CDH13: variants seen among roughly 807,000 people sequenced by gnomAD.
CDH13 encodes the protein cadherin-13.
CDH13 carries 24 observed loss-of-function variants against 63.8 expected under a neutral mutation model. The ratio of observed to expected loss-of-function variants is 0.38; its 90% CI spans 0.27 to 0.53. CDH13 has a LOEUF of 0.53. Ranked by LOEUF, CDH13 falls within the 20% of genes least tolerant of loss-of-function variation. The probability of loss-of-function intolerance (pLI) is 0.85; values close to 1 mark genes in which losing one functional copy is unlikely to be tolerated. For missense variants in CDH13, 1,049 were observed against 903.1 expected (o/e 1.16, Z -2.07); for synonymous variants, 503 against 355.3 (o/e 1.42, Z -4.67).
chr16:82,762,208 A>T (rs2034881654), intron 1 of CDH13, among the ~76,000 whole-genome samples: 4 of 152,174 alleles, frequency 2.6e-5, no homozygotes, highest in Admixed American at 2.6e-4. Context: ...TGAAATGAAG[A>T]GGTTGAATGT....
intron 5 of CDH13, among the ~76,000 whole-genome samples, chr16:83,338,530 G>A (rs867197476): frequency 2.0e-5 from 3 of 152,232 alleles, no homozygotes; most frequent in South Asian, 2.1e-4. Flanking sequence ...AGAGGTAGAC[G>A]TAAATTGAAT....
At chr16:82,700,364 A>G (rs1057105492) in intron 1 of CDH13, among the ~76,000 whole-genome samples, 1 of 152,236 alleles carries the variant, frequency 6.6e-6, no homozygotes, top group African/African-American at 2.4e-5. Flanking sequence ...GTAAAACGTG[A>G]CCAACGTTCT....
chr16:83,440,728 T>G (rs1394324040), intron 6 of CDH13, among the ~76,000 whole-genome samples: 2 of 146,386 alleles, frequency 1.4e-5, no homozygotes, highest in Non-Finnish European at 3.0e-5. Context: ...GAGGCTACAG[T>G]GAGTTGAGAC....
intron 8 of CDH13, 58 bp downstream of exon 8, chr16:83,602,652 G>C: frequency 6.4e-7 from 1 of 1,574,564 alleles, no homozygotes; most frequent in Non-Finnish European, 8.7e-7. Context: ...ATTACTGATT[G>C]ATGTTAATTC....
At chr16:82,925,588 C>A (rs1261757869) in intron 2 of CDH13, among the ~76,000 whole-genome samples, 1 of 152,186 alleles carries the variant, frequency 6.6e-6, no homozygotes, top group Non-Finnish European at 1.5e-5. Context: ...AGATGAAGAT[C>A]AGGGGAAGGT....
intron 7 of CDH13, among the ~76,000 whole-genome samples, chr16:83,548,726 C>G (rs997342714): frequency 1.3e-5 from 2 of 151,290 alleles, no homozygotes; most frequent in Non-Finnish European, 3.0e-5. Flanking sequence ...ACAAGGCAGC[C>G]TTTTTTTTTC....
intron 7 of CDH13, among the ~76,000 whole-genome samples, chr16:83,565,265 A>G (rs545257124): frequency 6.6e-6 from 1 of 151,990 alleles, no homozygotes; most frequent in East Asian, 1.9e-4. Flanking sequence ...CTCCTACTGG[A>G]TGCCATCCGA....
At chr16:82,920,070 C>T (rs373852722) in intron 2 of CDH13, among the ~76,000 whole-genome samples, 1 of 152,166 alleles carries the variant, frequency 6.6e-6, no homozygotes, top group South Asian at 2.1e-4. Context: ...AAACTTAAAT[C>T]AAAGTGGCTG....
At chr16:83,505,114 T>C (rs1487499976) in intron 7 of CDH13, among the ~76,000 whole-genome samples, 1 of 152,202 alleles carries the variant, frequency 6.6e-6, no homozygotes, top group Non-Finnish European at 1.5e-5. Flanking sequence ...AATGTGATCC[T>C]ACCCATCCTC....
intron 5 of CDH13, among the ~76,000 whole-genome samples, chr16:83,293,898 A>G (rs527709775): frequency 2.6e-5 from 4 of 152,298 alleles, no homozygotes; most frequent in South Asian, 4.1e-4. Flanking sequence ...GAATTATACT[A>G]TGCCCTTAGC....
chr16:83,202,430 G>T (rs1010788790), intron 4 of CDH13, among the ~76,000 whole-genome samples: 17 of 152,300 alleles, frequency 1.1e-4, no homozygotes, highest in Admixed American at 6.5e-4. Context: ...GCCCTGGAAA[G>T]ATTTTAATCA....
At chr16:83,629,561 A>G (rs3933507) in intron 8 of CDH13, among the ~76,000 whole-genome samples, 151,624 of 152,314 alleles carry the variant, frequency 1, 75,470 homozygotes, top group Middle Eastern at 1. Context: ...TATTTCTGCC[A>G]AGCCATCATC....
At chr16:83,595,995 G>C (rs535965435) in intron 7 of CDH13, among the ~76,000 whole-genome samples, 45 of 152,354 alleles carry the variant, frequency 3.0e-4, no homozygotes, top group African/African-American at 1.0e-3. Flanking sequence ...CTTCCCGGCA[G>C]AGCAGCACCT....
chr16:83,757,086 C>G (rs374315665), intron 11 of CDH13, among the ~76,000 whole-genome samples: 7 of 152,268 alleles, frequency 4.6e-5, no homozygotes, highest in African/African-American at 1.7e-4. Flanking sequence ...CCTCCAATCA[C>G]AATGGAATTA....
intron 5 of CDH13, among the ~76,000 whole-genome samples, chr16:83,275,181 A>G (rs1464387512): frequency 6.6e-6 from 1 of 152,230 alleles, no homozygotes; most frequent in Non-Finnish European, 1.5e-5. Context: ...CCCATAGAGC[A>G]TTTATGATGT....
intron 7 of CDH13, among the ~76,000 whole-genome samples, chr16:83,498,687 T>C (rs1400908383): frequency 6.6e-6 from 1 of 152,228 alleles, no homozygotes; most frequent in Non-Finnish European, 1.5e-5. Flanking sequence ...CATGCATTTT[T>C]TCTCCCACTA....
At chr16:83,065,467 G>A (rs529469073) in intron 3 of CDH13, among the ~76,000 whole-genome samples, 3 of 152,154 alleles carry the variant, frequency 2.0e-5, no homozygotes, top group Non-Finnish European at 4.4e-5. Flanking sequence ...CACTTTGGAA[G>A]GCCAAGGTGG....
chr16:83,029,042 A>G (rs959108802), intron 2 of CDH13, among the ~76,000 whole-genome samples: 1 of 152,216 alleles, frequency 6.6e-6, no homozygotes, highest in African/African-American at 2.4e-5. Context: ...CTGTAGGAGA[A>G]GGGGATCAAA....
At chr16:83,664,861 G>A (rs1211610551) in intron 8 of CDH13, among the ~76,000 whole-genome samples, 2 of 152,204 alleles carry the variant, frequency 1.3e-5, no homozygotes, top group Admixed American at 6.5e-5. Flanking sequence ...CAAATTGTCA[G>A]ATATGTTGTA....
Sources: allele counts gnomAD v4.1 joint callset (sites outside exome capture counted in the v4.1 genomes callset), GRCh38; gene constraint gnomAD v4.1.1; transcripts MANE v1.5; gene names NCBI Gene and HGNC (gene_info 2026-07-23, HGNC 2026-07-21).